GPM6A: variants seen among roughly 807,000 people sequenced by gnomAD.
GPM6A encodes the protein neuronal membrane glycoprotein M6-a.
In GPM6A, 7 loss-of-function variants were observed where a neutral mutation model predicts 32.1. The observed-to-expected ratio is 0.22, with a 90% CI of 0.12 to 0.41. The LOEUF is 0.41. GPM6A is among the 10% of genes least tolerant of loss of function. GPM6A has a pLI of 1.00. For missense variants in GPM6A, 235 were observed against 347.2 expected (o/e 0.68, Z 2.57); for synonymous variants, 130 against 123.4 (o/e 1.05, Z -0.35).
intron 2 of GPM6A, among the ~76,000 whole-genome samples, chr4:175,681,343 A>C (rs1159075930): frequency 6.6e-6 from 1 of 152,180 alleles, no homozygotes; most frequent in Non-Finnish European, 1.5e-5. Context: ...TTAGGTATTC[A>C]TGAAATTCAA....
intron 1 of GPM6A, among the ~76,000 whole-genome samples, chr4:175,978,664 T>G (rs1446552872): frequency 1.3e-5 from 2 of 152,220 alleles, no homozygotes; most frequent in African/African-American, 4.8e-5. Flanking sequence ...AGTGTCTAAT[T>G]CAAGTACTTT....
chr4:175,661,254 C>T (rs541567935), intron 3 of GPM6A, among the ~76,000 whole-genome samples: 12 of 151,760 alleles, frequency 7.9e-5, no homozygotes, highest in African/African-American at 2.4e-4. Flanking sequence ...GATGAAATGG[C>T]GAAACCCCGT....
intron 2 of GPM6A, among the ~76,000 whole-genome samples, chr4:175,685,863 A>G (rs887156131): frequency 4.6e-5 from 7 of 152,202 alleles, no homozygotes; most frequent in Admixed American, 3.9e-4. Context: ...CTTATTGGCA[A>G]GCAGCATTTT....
At chr4:175,967,004 C>A (rs1233926217) in intron 1 of GPM6A, among the ~76,000 whole-genome samples, 3 of 152,056 alleles carry the variant, frequency 2.0e-5, no homozygotes, top group Non-Finnish European at 4.4e-5. Flanking sequence ...AAAGACAACA[C>A]AAGAGAAAAC....
At chr4:175,805,850 A>T (rs1734674019) in intron 1 of GPM6A, 1 of 152,192 alleles carries the variant, frequency 6.6e-6, no homozygotes, top group African/African-American at 2.4e-5. Flanking sequence ...ATCTTTGACC[A>T]AAGTTATATT....
At chr4:175,812,338 T>TTTTTTTC, upstream of GPM6A, 1 of 1,328,596 alleles carries the variant, frequency 7.5e-7, no homozygotes, top group Non-Finnish European at 9.8e-7. Flanking sequence ...TTTTTTTTTT[T>TTTTTTTC]TTCCTGGGAA....
At chr4:175,804,296 G>A (rs1734590987) in intron 1 of GPM6A, among the ~76,000 whole-genome samples, 1 of 152,104 alleles carries the variant, frequency 6.6e-6, no homozygotes, top group Non-Finnish European at 1.5e-5. Context: ...CCCTTATTGT[G>A]GGAAAAATAA....
intron 1 of GPM6A, among the ~76,000 whole-genome samples, chr4:175,885,067 G>C (rs1334244032): frequency 1.3e-5 from 2 of 152,128 alleles, no homozygotes; most frequent in South Asian, 2.1e-4. Flanking sequence ...ATGTACATAT[G>C]TATGTGCATC....
At position 175,787,513 on chromosome 4, in the gene GPM6A, C is replaced by A. The variant is rs372369587; in HGVS notation, c.37+24678G>T. 9.6e-5 allele frequency: 139 copies of A among 1,454,608 alleles called. 1 individual carries two copies. The East Asian group carries it at 2.7e-3, about 29-fold the overall frequency. 90.1% of individuals were successfully genotyped at this position (1,454,608 alleles called of 1,614,324 possible). A position where few individuals can be genotyped will look rare whatever the true frequency, so the allele number is the denominator to read the frequency against. ...ACTATTTTTGGTCCTTTTTGTTCCA[C>A]CTTTAGGTTGATTTCATCAGTATCA... On this transcript the variant is annotated intron_variant, in intron 1 of 6. Transcript: ENST00000393658.
chr4:175,727,874 C>T (rs1731245752), intron 1 of GPM6A, among the ~76,000 whole-genome samples: 1 of 151,946 alleles, frequency 6.6e-6, no homozygotes. Context: ...CATGGTGGCG[C>T]ATGCCTGTAG....
At chr4:175,763,570 T>C (rs1222394316) in intron 1 of GPM6A, among the ~76,000 whole-genome samples, 1 of 152,168 alleles carries the variant, frequency 6.6e-6, no homozygotes, top group Non-Finnish European at 1.5e-5. Context: ...TAGGTCCTCA[T>C]TAAATGCAGT....
intron 3 of GPM6A, among the ~76,000 whole-genome samples, chr4:175,656,635 T>C (rs1218292825): frequency 6.6e-6 from 1 of 152,166 alleles, no homozygotes; most frequent in South Asian, 2.1e-4. Flanking sequence ...TATGTAGCCA[T>C]TGAGATTGCA....
At chr4:175,921,969 T>C (rs1458634289) in intron 1 of GPM6A, among the ~76,000 whole-genome samples, 1 of 152,218 alleles carries the variant, frequency 6.6e-6, no homozygotes, top group Non-Finnish European at 1.5e-5. Context: ...GAGGGTAATC[T>C]GCTTCTCAGG....
intron 1 of GPM6A, among the ~76,000 whole-genome samples, chr4:175,774,990 A>AATATTTTGTAC: frequency 6.6e-6 from 1 of 152,278 alleles, no homozygotes; most frequent in East Asian, 1.9e-4. Flanking sequence ...AATATTAGTC[A>AATATTTTGTAC]ATATGGATGT....
intron 1 of GPM6A, among the ~76,000 whole-genome samples, chr4:175,867,958 C>G (rs1432052499): frequency 1.3e-5 from 2 of 152,208 alleles, no homozygotes; most frequent in Non-Finnish European, 2.9e-5. Flanking sequence ...ATTTTCCCCT[C>G]TCCCTGCCAG....
rs115641899 is a variant in GPM6A at position 175,850,373 on chromosome 4, T to A, written c.-22-38124A>T. ...ATTTTGTGAGTGCAGACACAAGAAGTTTAGGAAAACAAAATCGTGGATGTG... is the reference window on the plus strand; with the variant it reads ...ATTTTGTGAGTGCAGACACAAGAAGATTAGGAAAACAAAATCGTGGATGTG... On this transcript the variant is annotated intron_variant, in intron 1 of 7. Transcript: ENST00000280187. 2.7e-3 allele frequency among the ~76,000 whole-genome samples: 411 copies of A among 151,800 alleles called. 4 individuals carry two copies. Among genetic ancestry groups the A allele is most frequent in the African/African-American group, 9.5e-3 (393 of 41,370 alleles).
At chr4:175,787,738 C>T (rs1386475438) in intron 1 of GPM6A, 2 of 381,402 alleles carry the variant, frequency 5.2e-6, no homozygotes, top group Non-Finnish European at 7.5e-6. Context: ...CAAGAATATT[C>T]ACAAGCAATA....
rs182372312 is a variant in GPM6A at position 175,710,510 on chromosome 4, G to C, written c.38-8743C>G. Among the ~76,000 whole-genome samples the C allele has an allele frequency of 5.3e-5, 8 of 151,600 alleles. No individual in the cohort carries two copies. In the East Asian group the frequency reaches 1.4e-3, roughly 26 times the overall value. On this transcript the variant is annotated intron_variant, in intron 1 of 6. Transcript: ENST00000393658. ...AATATGAAAGCTTTTTAAATCTTCT[G>C]TATGTTATCTGTTTGTATATTTATT... is the stretch of plus-strand genomic sequence containing the variant.
chr4:175,743,867 T>A (rs1293145903), intron 1 of GPM6A, among the ~76,000 whole-genome samples: 1 of 151,214 alleles, frequency 6.6e-6, no homozygotes, highest in Non-Finnish European at 1.5e-5. Flanking sequence ...ATCAAGTATA[T>A]AATGTAATAA....
Sources: gnomAD v4.1 joint callset for allele counts (sites outside exome capture counted in the v4.1 genomes callset) on GRCh38, gnomAD v4.1.1 for gene constraint, MANE v1.5 for transcripts, NCBI Gene and HGNC (gene_info 2026-07-23, HGNC 2026-07-21) for gene names.